The following SMG6 variants were observed in gnomAD, a reference collection of about 807,000 sequenced individuals.
SMG6 encodes SMG6 nonsense mediated mRNA decay factor.
A neutral mutation model predicts 142.2 loss-of-function variants in SMG6; 66 were observed. That is an observed-to-expected ratio of 0.46 (90% confidence interval 0.38 to 0.57). The LOEUF is 0.57. Ranked by LOEUF, SMG6 falls within the 20% of genes least tolerant of loss-of-function variation. SMG6 has a pLI of 0.00. For synonymous variants in SMG6, 779 were observed against 702.4 expected, an observed-to-expected ratio of 1.11 and a Z score of -1.72; for missense variants, 1,793 against 1,832.0, an observed-to-expected ratio of 0.98 and a Z score of 0.39.
chr17:2,297,979 T>C lies in SMG6; in HGVS notation c.1924A>G (p.Ile642Val). 6.2e-7 allele frequency: 1 copy of C among 1,613,532 alleles called. No individual in the cohort carries two copies. The highest frequency in any genetic ancestry group is 1.1e-5 in the South Asian group (1 of 91,080). The change falls in exon 3 of 19, where the codon ATC becomes GTC. Residue 642 changes from isoleucine to valine, a missense_variant. Around this residue, in one of 3 missense-constraint regions of SMG6, gnomAD observed 1,597 missense variants for 1,584.6 expected, o/e 1.01. Coordinates refer to ENST00000263073, the MANE Select transcript of SMG6 (RefSeq NM_017575.5). ...TGATAGAAAGCATTCTTCCACAGGA[T>C]CTGATCCACATTCTGATTATCAGAG... ...EFSDNQNVDQILWKNAFYQVI... is the reference protein window; with the variant it reads ...EFSDNQNVDQVLWKNAFYQVI...
At chr17:2,066,310 A>G (rs1008083876) in intron 16 of SMG6, among the ~76,000 whole-genome samples, 11 of 147,766 alleles carry the variant, frequency 7.4e-5, no homozygotes, top group African/African-American at 2.1e-4. Context: ...GTGTACATGT[A>G]TGTGTGTGTG....
Position 2,087,409 on chromosome 17 carries a change from CA to C in SMG6, c.3358-1509del, listed in dbSNP as rs967602263. ...TGGCTGCATCCTCTGCCACCTTCAC[CA>C]AAAAGCCAACCCCGCTTTCCTACAC... is the stretch of plus-strand genomic sequence containing the variant. On this transcript the variant is annotated intron_variant, in intron 13 of 18. Coordinates refer to ENST00000263073, the MANE Select transcript of SMG6 (RefSeq NM_017575.5). 5.9e-5 allele frequency: 70 copies of C among 1,185,488 alleles called. No individual in the cohort carries two copies. The Admixed American group carries it at 2.5e-3, about 42-fold the overall frequency. 73.4% of individuals were successfully genotyped at this position (1,185,488 alleles called of 1,614,324 possible). A position where few individuals can be genotyped will look rare whatever the true frequency, so the allele number is the denominator to read the frequency against.
intron 8 of SMG6, among the ~76,000 whole-genome samples, chr17:2,267,982 C>T (rs575517720): frequency 5.9e-5 from 9 of 152,220 alleles, no homozygotes; most frequent in Non-Finnish European, 8.8e-5. Flanking sequence ...CTCCTGACCT[C>T]GGGATCCGCC....
At chr17:2,158,321 A>G (rs950940833) in intron 13 of SMG6, among the ~76,000 whole-genome samples, 1 of 152,042 alleles carries the variant, frequency 6.6e-6, no homozygotes, top group African/African-American at 2.4e-5. Flanking sequence ...TATTCTCTTC[A>G]CTTTAGAGAG....
chr17:2,182,775 A>G (rs1481576472), intron 12 of SMG6, among the ~76,000 whole-genome samples: 1 of 152,140 alleles, frequency 6.6e-6, no homozygotes, highest in East Asian at 1.9e-4. Context: ...CTTGTTCTGA[A>G]ACACACATAA....
intron 8 of SMG6, among the ~76,000 whole-genome samples, chr17:2,259,788 G>T (rs780639466): frequency 1.3e-5 from 2 of 151,512 alleles, no homozygotes; most frequent in African/African-American, 4.9e-5. Context: ...CCTACCTAAC[G>T]CCATACAGGA....
In SMG6 at chr17:2,198,779, T is replaced by G. The variant is rs544618134; in HGVS notation, c.2870-10264A>C. Reference sequence around the variant, plus strand: ...CACAGAAAAGGGTTACTCAGTCACTTGGGGGATACTTTCTCAATTAACAGT... The same window carrying G: ...CACAGAAAAGGGTTACTCAGTCACTGGGGGGATACTTTCTCAATTAACAGT... On this transcript the variant is annotated intron_variant, in intron 10 of 18. Coordinates refer to ENST00000263073, the MANE Select transcript of SMG6 (RefSeq NM_017575.5). Among the ~76,000 whole-genome samples the G allele has an allele frequency of 2.0e-3, 306 of 151,876 alleles. 2 individuals are homozygous for G. Among genetic ancestry groups the G allele is most frequent in the African/African-American group, 7.1e-3 (296 of 41,412 alleles).
chr17:2,282,924 A>G, intron 7 of SMG6, 65 bp from the exon 8 acceptor site: 2 of 1,525,840 alleles, frequency 1.3e-6, no homozygotes, highest in Non-Finnish European at 9.1e-7. Context: ...TAATCCCAGC[A>G]CTTAGAGATG....
chr17:2,218,004 G>C (rs760713058), intron 10 of SMG6, among the ~76,000 whole-genome samples: 8 of 148,024 alleles, frequency 5.4e-5, no homozygotes, highest in South Asian at 2.2e-4. Context: ...AGCGAGACTC[G>C]GTCTCAAAAA....
At chr17:2,082,570 C>T (rs976417879) in intron 14 of SMG6, among the ~76,000 whole-genome samples, 1 of 152,210 alleles carries the variant, frequency 6.6e-6, no homozygotes, top group African/African-American at 2.4e-5. Flanking sequence ...TGCTCAGCTG[C>T]CCTCAATGGC....
At chr17:2,233,115 AAAG>A (rs999412621) in intron 10 of SMG6, 1 of 152,310 alleles carries the variant, frequency 6.6e-6, no homozygotes, top group African/African-American at 2.4e-5. Context: ...AGGCACCAGC[AAAG>A]GACACACTTT....
At position 2,145,643 on chromosome 17, in the gene SMG6, C is replaced by CAAAAAAAAAAAAAA. The variant is rs61451940; in HGVS notation, c.3357+27001_3357+27014dup. 8.4e-5 allele frequency among the ~76,000 whole-genome samples: 2 copies of CAAAAAAAAAAAAAA among 23,776 alleles called. 1 individual carries two copies. Among genetic ancestry groups the CAAAAAAAAAAAAAA allele is most frequent in the African/African-American group, 3.1e-4 (2 of 6,422 alleles). 15.6% of individuals were successfully genotyped at this position (23,776 alleles called of 152,430 possible). ...GTGACAGAGCAAGGCTCCATCTCCC[C>CAAAAAAAAAAAAAA]AAAAAAAAAAAAAAAAAAAAAAAGC... is the stretch of plus-strand genomic sequence containing the variant. On this transcript the variant is annotated intron_variant, in intron 13 of 18. Coordinates refer to ENST00000263073, the MANE Select transcript of SMG6 (RefSeq NM_017575.5).
chr17:2,282,390 C>CAAAA (rs576759563), intron 8 of SMG6, among the ~76,000 whole-genome samples: 14 of 84,480 alleles, frequency 1.7e-4, no homozygotes, highest in African/African-American at 2.2e-4. Context: ...CAAAAAGCAG[C>CAAAA]AAAAAAAAAA....
At chr17:2,206,956 A>G (rs187656835) in intron 10 of SMG6, among the ~76,000 whole-genome samples, 5 of 151,892 alleles carry the variant, frequency 3.3e-5, no homozygotes, top group Admixed American at 2.6e-4. Flanking sequence ...ATATTTTTTA[A>G]AAAGATCTAT....
chr17:2,261,017 GAA>G (rs2074299652), intron 8 of SMG6, among the ~76,000 whole-genome samples: 1 of 141,334 alleles, frequency 7.1e-6, no homozygotes, highest in African/African-American at 2.6e-5. Context: ...TAAGAAAAAA[GAA>G]AAAAAAGTCG....
At position 2,299,187 on chromosome 17, in the gene SMG6, A is replaced by G; in HGVS notation, c.1566T>C (p.Tyr522=). 6.2e-7 allele frequency: 1 copy of G among 1,613,518 alleles called. No individual in the cohort carries two copies. ...GGTACTGTAGAGGGTTATAGCCCGTATAGGGATACTGGGAGGCAGGGCCTG... is the reference window on the plus strand; with the variant it reads ...GGTACTGTAGAGGGTTATAGCCCGTGTAGGGATACTGGGAGGCAGGGCCTG... ...RTPGPASQYP[Y]TGYNPLQYPV... Residue 522 remains tyrosine, a synonymous_variant, in exon 2 of 19, where the codon TAT becomes TAC. Coordinates refer to ENST00000263073, the MANE Select transcript of SMG6 (RefSeq NM_017575.5). This position sits in a 1 kb window ranked among gnomAD's most constrained non-coding sequence, Gnocchi z 4.3.
intron 9 of SMG6, among the ~76,000 whole-genome samples, chr17:2,243,949 C>T (rs1482528861): frequency 6.6e-6 from 1 of 152,218 alleles, no homozygotes; most frequent in African/African-American, 2.4e-5. Context: ...AGGCATCCAT[C>T]TGCTCTGGCG....
At chr17:2,196,477 T>C (rs1368006516) in intron 10 of SMG6, among the ~76,000 whole-genome samples, 1 of 152,164 alleles carries the variant, frequency 6.6e-6, no homozygotes, top group South Asian at 2.1e-4. Context: ...AGAGTTACCA[T>C]GTTCATGAAC....
chr17:2,089,191 A>G (rs1405806097), intron 13 of SMG6, among the ~76,000 whole-genome samples: 1 of 152,100 alleles, frequency 6.6e-6, no homozygotes, highest in Non-Finnish European at 1.5e-5. Context: ...ACTCTATATC[A>G]ATGAAAACCA....
Sources: gnomAD v4.1 joint callset for allele counts (sites outside exome capture counted in the v4.1 genomes callset) on GRCh38, gnomAD v4.1.1 for gene constraint, gnomAD v4.1.1 regional missense constraint, Gnocchi (gnomAD v3.1) non-coding constraint, MANE v1.5 for transcripts, NCBI Gene and HGNC (gene_info 2026-07-23, HGNC 2026-07-21) for gene names.